ABI1: variants seen among roughly 807,000 people sequenced by gnomAD.
The protein encoded by ABI1 is abl interactor 1, also known as Abelson interactor 1.
Under a neutral mutation model 54.6 loss-of-function variants are expected in ABI1, and 14 were observed. The observed-to-expected ratio is 0.26, with a 90% confidence interval of 0.17 to 0.40. The LOEUF is 0.40. Ranked by LOEUF, ABI1 falls within the 10% of genes least tolerant of loss-of-function variation. ABI1 has a pLI of 1.00. For missense variants in ABI1, 443 were observed against 598.3 expected (o/e 0.74, Z 2.71); for synonymous variants, 194 against 209.3 (o/e 0.93, Z 0.63).
chr10:26,786,166 T>C (rs546972317), intron 2 of ABI1, among the ~76,000 whole-genome samples: 1 of 152,220 alleles, frequency 6.6e-6, no homozygotes, highest in East Asian at 1.9e-4. Flanking sequence ...AATCATTGAT[T>C]CATTGATGTT....
At chr10:26,784,268 C>T (rs1842468583) in intron 2 of ABI1, among the ~76,000 whole-genome samples, 1 of 152,178 alleles carries the variant, frequency 6.6e-6, no homozygotes, top group South Asian at 2.1e-4. Flanking sequence ...GTCCAAGCTC[C>T]CAAATCTCCC....
chr10:26,825,254 G>C (rs1181575778), intron 1 of ABI1, among the ~76,000 whole-genome samples: 1 of 152,208 alleles, frequency 6.6e-6, no homozygotes, highest in Non-Finnish European at 1.5e-5. Flanking sequence ...TGGGTGTGGT[G>C]GCGGCTTGTA....
chr10:26,857,813 T>G (rs2050952970), intron 1 of ABI1, among the ~76,000 whole-genome samples: 1 of 145,282 alleles, frequency 6.9e-6, no homozygotes, highest in East Asian at 2.0e-4. Context: ...CACACACCAC[T>G]GCACTCCAGC....
chr10:26,846,531 C>CG (rs1317501269), intron 1 of ABI1, among the ~76,000 whole-genome samples: 7 of 151,958 alleles, frequency 4.6e-5, no homozygotes, highest in Middle Eastern at 3.4e-3. Context: ...TTAGTAGAGA[C>CG]GGGGTTTCAC....
At chr10:26,806,573 T>C (rs2046890737) in intron 2 of ABI1, among the ~76,000 whole-genome samples, 1 of 152,190 alleles carries the variant, frequency 6.6e-6, no homozygotes, top group African/African-American at 2.4e-5. Context: ...ATAACGTTCT[T>C]AAACTCAGTA....
chr10:26,768,752 A>G, intron 6 of ABI1, 100 bp downstream of exon 6: 2 of 880,242 alleles, frequency 2.3e-6, no homozygotes, highest in Non-Finnish European at 3.4e-6. Flanking sequence ...TATTAGCATT[A>G]GAGTGGCACC....
At chr10:26,768,017 G>C (rs1840171110) in intron 6 of ABI1, among the ~76,000 whole-genome samples, 1 of 151,844 alleles carries the variant, frequency 6.6e-6, no homozygotes, top group African/African-American at 2.4e-5. Context: ...CTGCACTCCA[G>C]CCTGGGTGAC....
At chr10:26,790,308 T>C (rs1158288051) in intron 2 of ABI1, among the ~76,000 whole-genome samples, 2 of 152,200 alleles carry the variant, frequency 1.3e-5, no homozygotes, top group African/African-American at 4.8e-5. Flanking sequence ...TTTTTTTGAA[T>C]TTTTAATAAT....
At chr10:26,842,286 A>G (rs576030672) in intron 1 of ABI1, among the ~76,000 whole-genome samples, 12 of 152,298 alleles carry the variant, frequency 7.9e-5, no homozygotes, top group African/African-American at 2.6e-4. Flanking sequence ...TTATTTTTCT[A>G]TTATTGAATT....
chr10:26,857,541 G>A (rs555950027), intron 1 of ABI1, among the ~76,000 whole-genome samples: 1 of 151,514 alleles, frequency 6.6e-6, no homozygotes, highest in South Asian at 2.1e-4. Context: ...TACCTGGGGG[G>A]GCTGAGGTGG....
rs865902540 is a variant in ABI1, at chr10:26,828,834, T to C, written c.118-5529A>G. 3.3e-5 allele frequency among the ~76,000 whole-genome samples: 5 copies of C among 152,362 alleles called. No individual in the cohort carries two copies. The South Asian group carries it at 8.3e-4, about 25-fold the overall frequency. On this transcript the variant is annotated intron_variant, in intron 1 of 10. Coordinates refer to ENST00000376140, the MANE Select transcript of ABI1 (RefSeq NM_001012750.3). Reference sequence around the variant, plus strand: ...GTGGGATATAGCAAATCATTAATTATGTCACTGAGAACTGAAATTTGGGGC... The same window carrying C: ...GTGGGATATAGCAAATCATTAATTACGTCACTGAGAACTGAAATTTGGGGC...
intron 2 of ABI1, among the ~76,000 whole-genome samples, chr10:26,789,436 C>T (rs757299693): frequency 6.6e-6 from 1 of 152,098 alleles, no homozygotes; most frequent in East Asian, 1.9e-4. Context: ...ATTCAAAGCT[C>T]ACAAAATTCA....
At chr10:26,777,012 A>T in intron 3 of ABI1, 53 bp downstream of exon 3, 1 of 1,418,346 alleles carries the variant, frequency 7.1e-7, no homozygotes, top group Non-Finnish European at 9.5e-7. Context: ...TTCCTATCCA[A>T]AATATTTACT....
intron 1 of ABI1, among the ~76,000 whole-genome samples, chr10:26,831,491 C>T (rs915963113): frequency 6.6e-5 from 10 of 152,098 alleles, no homozygotes; most frequent in Admixed American, 2.6e-4. Context: ...TGCAGTGAGC[C>T]GAGATAGTGC....
chr10:26,751,546 T>C (rs1837633304), intron 10 of ABI1, 52 bp downstream of exon 10: 1 of 1,553,974 alleles, frequency 6.4e-7, no homozygotes, highest in Non-Finnish European at 8.7e-7. Context: ...TAGTTCTAAA[T>C]TTCTACAATT....
At chr10:26,826,078 T>C (rs1198079715) in intron 1 of ABI1, among the ~76,000 whole-genome samples, 1 of 152,234 alleles carries the variant, frequency 6.6e-6, no homozygotes, top group African/African-American at 2.4e-5. Context: ...GCATCCAGAA[T>C]GGTGAATCCT....
intron 5 of ABI1, 104 bp downstream of exon 5, chr10:26,770,141 T>C (rs1840490936): frequency 4.7e-6 from 4 of 850,804 alleles, no homozygotes; most frequent in Admixed American, 2.0e-5. Flanking sequence ...TAGCGTCACA[T>C]AGAGAGGGTA....
At chr10:26,844,857 A>G (rs1564576018) in intron 1 of ABI1, among the ~76,000 whole-genome samples, 1 of 152,166 alleles carries the variant, frequency 6.6e-6, no homozygotes, top group Non-Finnish European at 1.5e-5. Context: ...CAATCTTACT[A>G]CAGCTATCTC....
intron 3 of ABI1, among the ~76,000 whole-genome samples, chr10:26,773,170 A>G (rs891090875): frequency 6.8e-6 from 1 of 147,696 alleles, no homozygotes; most frequent in African/African-American, 2.5e-5. Flanking sequence ...TTCTAAGTAC[A>G]TCATAGTTTT....
Sources: gnomAD v4.1 joint callset for allele counts (sites outside exome capture counted in the v4.1 genomes callset) on GRCh38, gnomAD v4.1.1 for gene constraint, MANE v1.5 for transcripts, NCBI Gene and HGNC (gene_info 2026-07-23, HGNC 2026-07-21) for gene names.